The following ANKRD17 variants were observed in gnomAD, a reference collection of about 807,000 sequenced individuals.
ANKRD17 encodes ankyrin repeat domain-containing protein 17.
ANKRD17 carries 19 observed loss-of-function variants against 229.7 expected under a neutral mutation model. The ratio of observed to expected loss-of-function variants is 0.08; its 90% CI spans 0.06 to 0.12. ANKRD17 has a LOEUF of 0.12. Ranked by LOEUF, ANKRD17 falls within the 10% of genes least tolerant of loss-of-function variation. The pLI is 1.00. For synonymous variants in ANKRD17, 1,112 were observed against 1,146.1 expected, an observed-to-expected ratio of 0.97 and a Z score of 0.60; for missense variants, 2,176 against 3,176.8, an observed-to-expected ratio of 0.68 and a Z score of 7.57.
rs1486384906 is a variant in ANKRD17, at chr4:73,091,433, T to C, written c.6195A>G (p.Ser2065=). 3.1e-6 allele frequency: 5 copies of C among 1,614,080 alleles called. No homozygotes were observed. The highest frequency in any genetic ancestry group is 1.3e-5 in the African/African-American group (1 of 74,946). Residue 2065 remains serine (S), a synonymous_variant, in exon 29 of 34, where the codon TCA becomes TCG. Transcript: ENST00000358602. ...AAGATGCCACTTTATTTGGAGATGC[T>C]GATCCACAATCCAAAGGGCTGTTTC... ...VSRNSPLDCG[S]ASPNKVASSS...
intron 1 of ANKRD17, among the ~76,000 whole-genome samples, chr4:73,211,594 C>G (rs1740267992): frequency 6.6e-6 from 1 of 152,112 alleles, no homozygotes; most frequent in African/African-American, 2.4e-5. Context: ...TGCCTGTAAT[C>G]TCAGCACTTT....
chr4:73,226,389 G>GTTTTTTTT lies in ANKRD17; in HGVS notation c.393+31879_393+31886dup, dbSNP rs1157719883. On this transcript the variant is annotated intron_variant, in intron 1 of 33. Coordinates refer to ENST00000358602, the MANE Select transcript of ANKRD17 (RefSeq NM_032217.5). ...TAATAGTAATAATTTCTTTTCTTCT[G>GTTTTTTTT]TTTTTTTTTTTTTTTTTTTTTTTGA... 4.5e-4 allele frequency among the ~76,000 whole-genome samples: 39 copies of GTTTTTTTT among 87,622 alleles called. 3 individuals carry two copies. Among genetic ancestry groups the GTTTTTTTT allele is most frequent in the Non-Finnish European group, 6.1e-4 (29 of 47,632 alleles). 57.5% of individuals were successfully genotyped at this position (87,622 alleles called of 152,430 possible). A position where few individuals can be genotyped will look rare whatever the true frequency, so the allele number is the denominator to read the frequency against.
chr4:73,110,854 A>G (rs1725228886), intron 24 of ANKRD17, among the ~76,000 whole-genome samples: 1 of 152,244 alleles, frequency 6.6e-6, no homozygotes, highest in Admixed American at 6.5e-5. Flanking sequence ...ATTAATGATT[A>G]AGAATTCTTC....
chr4:73,203,027 TCA>T lies in ANKRD17; in HGVS notation c.394-25496_394-25495del, dbSNP rs140094803. Among the ~76,000 whole-genome samples, 573 of 152,322 alleles carry T rather than the reference TCA, an allele frequency of 3.8e-3. 3 individuals are homozygous for T. Among genetic ancestry groups the T allele is most frequent in the African/African-American group, 0.013 (543 of 41,572 alleles). ...AAATAAAAATTCACTGGATGATCTG[TCA>T]CAGTTAATTTAGACATTGCACAAAA... On this transcript the variant is annotated intron_variant, in intron 1 of 33. Coordinates refer to ENST00000358602, the MANE Select transcript of ANKRD17 (RefSeq NM_032217.5).
rs552593853 is a variant in ANKRD17, at chr4:73,242,891, C to A, written c.393+15385G>T. Reference sequence around the variant, plus strand: ...ATACTAATAAAGCTTGGTGAAAAACCAACAGGGCTCTTTCCTATGTTTCAC... The same window carrying A: ...ATACTAATAAAGCTTGGTGAAAAACAAACAGGGCTCTTTCCTATGTTTCAC... On this transcript the variant is annotated intron_variant, in intron 1 of 33. Coordinates refer to ENST00000358602, the MANE Select transcript of ANKRD17 (RefSeq NM_032217.5). Among the ~76,000 whole-genome samples the A allele has an allele frequency of 9.9e-5, 15 of 152,146 alleles. 1 individual carries two copies. The highest frequency in any genetic ancestry group is 9.2e-4 in the Admixed American group (14 of 15,280).
intron 27 of ANKRD17, 62 bp from the exon 28 acceptor site, chr4:73,094,290 AAAAGAGG>A (rs1156489913): frequency 2.1e-6 from 3 of 1,440,822 alleles, no homozygotes; most frequent in Non-Finnish European, 1.9e-6. Flanking sequence ...TGTAATTTTT[AAAAGAGG>A]AAAGAGTATT....
At chr4:73,167,319 A>C (rs1340654679) in intron 2 of ANKRD17, among the ~76,000 whole-genome samples, 2 of 152,148 alleles carry the variant, frequency 1.3e-5, no homozygotes, top group African/African-American at 4.8e-5. Context: ...GAAAGAAAGA[A>C]AGGGAAGTAG....
intron 2 of ANKRD17, among the ~76,000 whole-genome samples, chr4:73,174,346 CAAT>C (rs1418511092): frequency 5.3e-5 from 8 of 152,106 alleles, no homozygotes; most frequent in African/African-American, 9.7e-5. Context: ...ATGATCATCT[CAAT>C]GATGCAGAAA....
At position 73,258,512 on chromosome 4, in the gene ANKRD17, C is replaced by T. The variant is rs1745695336; in HGVS notation, c.157G>A (p.Gly53Arg). ...SRARSASSPR[G>R]MVRVCDLLLK... is the part of the protein sequence containing the mutation. The stretch of plus-strand genomic sequence containing the variant: ...AGCAGGTCGCAGACTCGCACCATCC[C>T]ACGAGGAGACGAGGCCGAGCGAGCT... Residue 53 changes from glycine (G) to arginine (R), a missense_variant, in exon 1 of 34, where the codon GGG becomes AGG. By Grantham distance (125) the Gly-to-Arg change is moderately radical. Coordinates refer to ENST00000358602, the MANE Select transcript of ANKRD17 (RefSeq NM_032217.5). 1.3e-6 allele frequency: 2 copies of T among 1,548,948 alleles called. No homozygotes were observed. The highest frequency in any genetic ancestry group is 1.2e-5 in the South Asian group (1 of 85,514).
At chr4:73,245,650 A>G (rs1029999153) in intron 1 of ANKRD17, among the ~76,000 whole-genome samples, 1 of 152,162 alleles carries the variant, frequency 6.6e-6, no homozygotes, top group African/African-American at 2.4e-5. Flanking sequence ...CTCTTAATAC[A>G]TAACAATCAT....
At position 73,155,682 on chromosome 4, in the gene ANKRD17, C is replaced by T. The variant is rs1410706728; in HGVS notation, c.949G>A (p.Val317Met). The change falls in exon 5 of 34, where the codon GTG becomes ATG. Residue 317 changes from valine (V) to methionine (M), a missense_variant. Around this residue, in one of 18 missense-constraint regions of ANKRD17, gnomAD observed 184 missense variants for 357.8 expected, o/e 0.51. Transcript: ENST00000358602. ...AAANGGHVKI[V>M]KLLLAHKADV... ...GCTTTATGAGCTAGCAGCAACTTCA[C>T]AATTTTGACATGTCCTCCATTAGCA... 10 of 1,614,030 alleles carry T rather than the reference C, an allele frequency of 6.2e-6. No individual in the cohort carries two copies. Among genetic ancestry groups the T allele is most frequent in the Non-Finnish European group, 8.5e-6 (10 of 1,180,030 alleles).
chr4:73,228,036 C>T (rs1460283580), intron 1 of ANKRD17, among the ~76,000 whole-genome samples: 2 of 152,146 alleles, frequency 1.3e-5, no homozygotes, highest in East Asian at 3.9e-4. Context: ...TTTGCCCACT[C>T]ACATAAACTA....
chr4:73,107,429 G>C (rs534807644), intron 24 of ANKRD17, among the ~76,000 whole-genome samples: 8 of 152,310 alleles, frequency 5.3e-5, no homozygotes, highest in Non-Finnish European at 8.8e-5. Flanking sequence ...CTGTCTTCAA[G>C]TTTACATTTA....
At chr4:73,080,497 C>A (rs543048368) in intron 30 of ANKRD17, among the ~76,000 whole-genome samples, 89 of 152,230 alleles carry the variant, frequency 5.8e-4, no homozygotes, top group African/African-American at 2.1e-3. Context: ...AGAAAACAGA[C>A]AAAAACTACA....
chr4:73,226,768 C>CA (rs759737112), intron 1 of ANKRD17, among the ~76,000 whole-genome samples: 10 of 152,104 alleles, frequency 6.6e-5, no homozygotes, highest in Non-Finnish European at 1.2e-4. Flanking sequence ...GGCTGGAATG[C>CA]AGTGGCGCAA....
At chr4:73,224,607 C>A (rs1560756742) in intron 1 of ANKRD17, among the ~76,000 whole-genome samples, 1 of 151,958 alleles carries the variant, frequency 6.6e-6, no homozygotes, top group African/African-American at 2.4e-5. Context: ...TCATAACAAC[C>A]CAGCTATGTC....
chr4:73,145,175 G>A lies in ANKRD17; in HGVS notation c.1870-343C>T, dbSNP rs575786853. ...TGAATTGCGGTACTTGAATATGCAT[G>A]TATGGTACTCTAGCATGGCCTTCTC... On this transcript the variant is annotated intron_variant, in intron 10 of 33. Transcript: ENST00000358602. Among the ~76,000 whole-genome samples, 16 of 152,208 alleles carry A rather than the reference G, an allele frequency of 1.1e-4. No homozygotes were observed. The East Asian group carries it at 2.9e-3, about 28-fold the overall frequency.
chr4:73,249,363 G>A (rs1744780373), intron 1 of ANKRD17, among the ~76,000 whole-genome samples: 1 of 152,148 alleles, frequency 6.6e-6, no homozygotes, highest in Admixed American at 6.5e-5. Context: ...GAAAGGGGGA[G>A]GCAAAATTCC....
chr4:73,187,265 T>C (rs568162483), intron 1 of ANKRD17, among the ~76,000 whole-genome samples: 7 of 152,288 alleles, frequency 4.6e-5, no homozygotes, highest in South Asian at 4.1e-4. Flanking sequence ...TTAGAGAAAA[T>C]ATTACTTCAA....
Sources: allele counts gnomAD v4.1 joint callset (sites outside exome capture counted in the v4.1 genomes callset), GRCh38; gene constraint gnomAD v4.1.1; regional missense constraint gnomAD v4.1.1; transcripts MANE v1.5; gene names NCBI Gene and HGNC (gene_info 2026-07-23, HGNC 2026-07-21).